RAPGEF4: variants seen among roughly 807,000 people sequenced by gnomAD.
The protein encoded by RAPGEF4 is RAP guanine-nucleotide-exchange factor (GEF) 4.
Under a neutral mutation model 147.9 loss-of-function variants are expected in RAPGEF4, and 66 were observed. The ratio of observed to expected loss-of-function variants is 0.45; its 90% CI spans 0.37 to 0.55. The LOEUF is 0.55. Ranked by LOEUF, RAPGEF4 falls within the 20% of genes least tolerant of loss-of-function variation. The pLI is 0.00. For synonymous variants in RAPGEF4, 419 were observed against 442.7 expected (o/e 0.95, Z 0.67); for missense variants, 1,071 against 1,257.3 (o/e 0.85, Z 2.24).
chr2:172,949,962 G>T (rs138756107), intron 6 of RAPGEF4, among the ~76,000 whole-genome samples: 73 of 152,322 alleles, frequency 4.8e-4, no homozygotes, highest in African/African-American at 1.6e-3. Context: ...ATGGAAACTT[G>T]CCTTTCTATC....
Position 173,033,932 on chromosome 2 carries a change from A to G in RAPGEF4, c.2668A>G (p.Lys890Glu), listed in dbSNP as rs764381755. 1.3e-5 allele frequency: 21 copies of G among 1,613,326 alleles called. No individual in the cohort carries two copies. Among genetic ancestry groups the G allele is most frequent in the Non-Finnish European group, 1.6e-5 (19 of 1,179,810 alleles). ...LTWEKLPSKF[K>E]KFYAEFESLM... Reference sequence around the variant, plus strand: ...TTAACAGAAACTGCCAAGCAAGTTCAAGAAGTTCTATGCGGAGTTTGAAAG... The same window carrying G: ...TTAACAGAAACTGCCAAGCAAGTTCGAGAAGTTCTATGCGGAGTTTGAAAG... The change falls in exon 27 of 31, where the codon AAG becomes GAG. Residue 890 changes from lysine (K) to glutamate (E), a missense_variant. By Grantham distance (56) the Lys-to-Glu change is moderately conservative (BLOSUM62 1). Coordinates refer to ENST00000397081, the MANE Select transcript of RAPGEF4 (RefSeq NM_007023.4).
At position 172,814,438 on chromosome 2, in the gene RAPGEF4, G is replaced by A. The variant is rs756078472; in HGVS notation, c.444+13G>A. On this transcript the variant is annotated intron_variant, in intron 4 of 30. Transcript: ENST00000397081. ...GGCACTATGGGAGGTGAGCCCTAAG[G>A]CTTCTTTGTCAATTAATGCAGTTTC... is the stretch of plus-strand genomic sequence containing the variant. 1.2e-6 allele frequency: 2 copies of A among 1,613,906 alleles called. No homozygotes were observed. The highest frequency in any genetic ancestry group is 2.2e-5 in the South Asian group (2 of 91,080).
Position 173,036,128 on chromosome 2 carries a change from C to T in RAPGEF4, c.2704C>T (p.Pro902Ser). The change falls in exon 28 of 31, where the codon CCT becomes TCT. Residue 902 changes from proline to serine, a missense_variant. Transcript: ENST00000397081. ...TCATCTCTTTTTCTCTCCTAAGGAC[C>T]CTTCAAGGAACCACAGGGCCTACAG... Reference protein sequence around the residue: ...FYAEFESLMDPSRNHRAYRLT... With the variant: ...FYAEFESLMDSSRNHRAYRLT... 6.2e-7 allele frequency: 1 copy of T among 1,607,156 alleles called. No individual in the cohort carries two copies. The highest frequency in any genetic ancestry group is 8.5e-7 in the Non-Finnish European group (1 of 1,174,080).
chr2:172,847,322 C>T (rs1358111953), intron 4 of RAPGEF4, among the ~76,000 whole-genome samples: 2 of 152,164 alleles, frequency 1.3e-5, no homozygotes, highest in African/African-American at 4.8e-5. Flanking sequence ...TGAGAGCAGA[C>T]TATTTAGGGA....
intron 4 of RAPGEF4, among the ~76,000 whole-genome samples, chr2:172,877,446 C>T (rs375356020): frequency 1.3e-5 from 2 of 151,728 alleles, no homozygotes; most frequent in African/African-American, 4.8e-5. Flanking sequence ...CAGCAAACCA[C>T]CATGCATACA....
chr2:173,050,137 C>G (rs1686011405), intron 30 of RAPGEF4, among the ~76,000 whole-genome samples: 1 of 152,194 alleles, frequency 6.6e-6, no homozygotes, highest in African/African-American at 2.4e-5. Flanking sequence ...GAAAAAACTC[C>G]ACTGCATTTG....
At chr2:172,862,930 G>T (rs1395970898) in intron 4 of RAPGEF4, among the ~76,000 whole-genome samples, 2 of 152,178 alleles carry the variant, frequency 1.3e-5, no homozygotes, top group African/African-American at 4.8e-5. Flanking sequence ...GAGCACAGGG[G>T]AGGTGGGGGA....
intron 4 of RAPGEF4, among the ~76,000 whole-genome samples, chr2:172,885,198 C>T (rs1438050387): frequency 6.6e-6 from 1 of 152,260 alleles, no homozygotes; most frequent in Non-Finnish European, 1.5e-5. Context: ...GTCAGCGTTA[C>T]AGTGTGTTCC....
chr2:172,881,630 A>G (rs1696639528), intron 4 of RAPGEF4, among the ~76,000 whole-genome samples: 1 of 152,180 alleles, frequency 6.6e-6, no homozygotes, highest in Non-Finnish European at 1.5e-5. Flanking sequence ...GTGTGAGCTC[A>G]GTTTCATCTT....
At chr2:172,997,023 AATGAACT>A (rs1693438471) in intron 16 of RAPGEF4, among the ~76,000 whole-genome samples, 1 of 152,196 alleles carries the variant, frequency 6.6e-6, no homozygotes, top group Admixed American at 6.5e-5. Flanking sequence ...GGGCTGCCCT[AATGAACT>A]ACCACCAACT....
At chr2:173,020,889 T>C (rs1696024381) in intron 23 of RAPGEF4, among the ~76,000 whole-genome samples, 174 bp downstream of exon 23, 2 of 152,234 alleles carry the variant, frequency 1.3e-5, no homozygotes, top group African/African-American at 4.8e-5. Context: ...TGCTCAGGGC[T>C]TTTGATTTTC....
intron 4 of RAPGEF4, among the ~76,000 whole-genome samples, chr2:172,858,021 T>C (rs1306780118): frequency 2.6e-5 from 4 of 151,372 alleles, no homozygotes; most frequent in Admixed American, 1.3e-4. Flanking sequence ...TCCACAGTAA[T>C]GTAATGAACA....
Position 172,814,289 on chromosome 2 carries a change from C to G in RAPGEF4, c.308C>G (p.Thr103Ser), listed in dbSNP as rs540753368. Residue 103 changes from threonine (T) to serine (S), a missense_variant, in exon 4 of 31, where the codon ACC becomes AGC. Coordinates refer to ENST00000397081, the MANE Select transcript of RAPGEF4 (RefSeq NM_007023.4). ...TTTTGGGATCCTCAGGATGCTGTGA[C>G]CATCTGTACCCTGGGAATTGGGACG... ...SETSSHQDAVTICTLGIGTAF... is the reference protein window; with the variant it reads ...SETSSHQDAVSICTLGIGTAF... 11 of 1,614,124 alleles carry G rather than the reference C, an allele frequency of 6.8e-6. No individual in the cohort carries two copies. The Admixed American group carries it at 1.2e-4, about 17-fold the overall frequency.
At chr2:172,889,307 A>C (rs1267807281) in intron 4 of RAPGEF4, among the ~76,000 whole-genome samples, 2 of 152,190 alleles carry the variant, frequency 1.3e-5, no homozygotes, top group African/African-American at 4.8e-5. Flanking sequence ...TAAAAAAAGA[A>C]AACCACTTTT....
intron 1 of RAPGEF4, among the ~76,000 whole-genome samples, chr2:172,783,253 G>A (rs1352321705): frequency 6.6e-6 from 1 of 152,194 alleles, no homozygotes; most frequent in Non-Finnish European, 1.5e-5. Flanking sequence ...CGGGGAGGTG[G>A]AAGTATTTGG....
At chr2:172,737,088 T>C (rs1031788811) in intron 1 of RAPGEF4, among the ~76,000 whole-genome samples, 2 of 152,226 alleles carry the variant, frequency 1.3e-5, no homozygotes, top group African/African-American at 2.4e-5. Context: ...TAGGCCTTTG[T>C]TGAAAAATAT....
chr2:172,760,500 C>T (rs2149464585), intron 1 of RAPGEF4, among the ~76,000 whole-genome samples: 1 of 152,232 alleles, frequency 6.6e-6, no homozygotes, highest in African/African-American at 2.4e-5. Context: ...GGGTGGATCA[C>T]AAGGTCAGGA....
chr2:172,776,029 T>G (rs1198851208), intron 1 of RAPGEF4, among the ~76,000 whole-genome samples: 1 of 152,202 alleles, frequency 6.6e-6, no homozygotes, highest in Non-Finnish European at 1.5e-5. Flanking sequence ...TTCATATACG[T>G]TTTGACTAAG....
At chr2:173,018,844 C>G in intron 22 of RAPGEF4, 42 bp downstream of exon 22, 1 of 1,595,068 alleles carries the variant, frequency 6.3e-7, no homozygotes, top group South Asian at 1.1e-5. Context: ...CAAAATGGGA[C>G]ATTCCATCCA....
Sources: gnomAD v4.1 joint callset for allele counts (sites outside exome capture counted in the v4.1 genomes callset) on GRCh38, gnomAD v4.1.1 for gene constraint, MANE v1.5 for transcripts, NCBI Gene and HGNC (gene_info 2026-07-23, HGNC 2026-07-21) for gene names.